Variants in ADGRB3 observed in about 807,000 individuals in gnomAD.
ADGRB3 encodes the protein adhesion G protein-coupled receptor B3, also known as brain-specific angiogenesis inhibitor 3.
ADGRB3 carries 37 observed loss-of-function variants against 193.4 expected under a neutral mutation model. That is an observed-to-expected ratio of 0.19 (90% CI 0.15 to 0.25). The LOEUF (loss-of-function observed/expected upper bound fraction) is 0.25. ADGRB3 is among the 10% of genes least tolerant of loss of function. The probability of loss-of-function intolerance (pLI) is 1.00; values close to 1 mark genes in which losing one functional copy is unlikely to be tolerated. For synonymous variants in ADGRB3, 690 were observed against 644.2 expected (o/e 1.07, Z -1.08); for missense variants, 1,637 against 1,852.9 (o/e 0.88, Z 2.14).
chr6:69,107,677 GT>G (rs1221412639), intron 17 of ADGRB3, among the ~76,000 whole-genome samples: 1 of 152,178 alleles, frequency 6.6e-6, no homozygotes. Context: ...TAAAGAAAAT[GT>G]GGTACATATA....
chr6:68,953,404 G>C (rs1471986443), intron 6 of ADGRB3, among the ~76,000 whole-genome samples: 2 of 152,126 alleles, frequency 1.3e-5, no homozygotes, highest in Admixed American at 1.3e-4. Context: ...TTGCCAAATA[G>C]ATTGTAAGGT....
At chr6:68,894,707 C>G (rs1345391376) in intron 3 of ADGRB3, among the ~76,000 whole-genome samples, 2 of 151,930 alleles carry the variant, frequency 1.3e-5, no homozygotes, top group Non-Finnish European at 2.9e-5. Context: ...TCCATCAAAA[C>G]ACTAACTCTT....
At chr6:68,928,288 A>G (rs1379418819) in intron 3 of ADGRB3, among the ~76,000 whole-genome samples, 1 of 152,138 alleles carries the variant, frequency 6.6e-6, no homozygotes, top group Non-Finnish European at 1.5e-5. Flanking sequence ...CAATTTGGGA[A>G]GCAGAGGTGG....
intron 17 of ADGRB3, among the ~76,000 whole-genome samples, chr6:69,184,862 A>G (rs1048892732): frequency 6.6e-6 from 1 of 152,140 alleles, no homozygotes; most frequent in African/African-American, 2.4e-5. Context: ...CTTGCCGATT[A>G]CTTGAGCATT....
intron 30 of ADGRB3, among the ~76,000 whole-genome samples, chr6:69,375,597 G>C (rs777260649): frequency 6.6e-6 from 1 of 152,104 alleles, no homozygotes; most frequent in African/African-American, 2.4e-5. Context: ...GATTCCTAAT[G>C]TGATGTTAAA....
intron 6 of ADGRB3, among the ~76,000 whole-genome samples, chr6:68,951,516 C>T (rs1767918951): frequency 6.6e-6 from 1 of 152,128 alleles, no homozygotes; most frequent in Non-Finnish European, 1.5e-5. Flanking sequence ...TCAGCCAGTC[C>T]TTATCACCAC....
At chr6:68,744,703 C>T (rs1273228804) in intron 3 of ADGRB3, among the ~76,000 whole-genome samples, 1 of 152,012 alleles carries the variant, frequency 6.6e-6, no homozygotes, top group South Asian at 2.1e-4. Context: ...CACATGGACA[C>T]AGGAAGGTGA....
At chr6:69,156,884 A>G (rs917642389) in intron 17 of ADGRB3, among the ~76,000 whole-genome samples, 1 of 152,196 alleles carries the variant, frequency 6.6e-6, no homozygotes, top group Non-Finnish European at 1.5e-5. Flanking sequence ...GATGTTGGGT[A>G]ACACAGCTCA....
chr6:69,370,320 A>T (rs1269326422), intron 29 of ADGRB3, among the ~76,000 whole-genome samples: 1 of 152,198 alleles, frequency 6.6e-6, no homozygotes, highest in Non-Finnish European at 1.5e-5. Flanking sequence ...AACTTTACAC[A>T]CATTTTTAAC....
chr6:68,723,217 T>C (rs1765614425), intron 3 of ADGRB3, among the ~76,000 whole-genome samples: 1 of 151,742 alleles, frequency 6.6e-6, no homozygotes, highest in Non-Finnish European at 1.5e-5. Flanking sequence ...ATGGAGTCAG[T>C]TCTTAGATCA....
rs534125597 is a variant in ADGRB3 at position 69,332,387 on chromosome 6, T to TAGA, written c.3103-534_3103-532dup. 4,502 of 985,410 alleles carry TAGA rather than the reference T, an allele frequency of 4.6e-3. 8 individuals carry two copies. The highest frequency in any genetic ancestry group is 5.0e-3 in the Non-Finnish European group (4,177 of 829,910). 61.0% of individuals were successfully genotyped at this position (985,410 alleles called of 1,614,324 possible). On this transcript the variant is annotated intron_variant, in intron 23 of 31. Transcript: ENST00000370598. ...AATTGAATAGGCTTTCCTTTCTGCT[T>TAGA]AGAAAAGCATGGTACATCAAAATGC... is the stretch of plus-strand genomic sequence containing the variant.
chr6:69,018,247 A>G, intron 12 of ADGRB3, 144 bp from the exon 13 acceptor site: 1 of 494,890 alleles, frequency 2.0e-6, no homozygotes, highest in Non-Finnish European at 3.5e-6. Context: ...ATTAATTTAA[A>G]AAATACAGCT....
At chr6:68,658,684 A>G (rs1458457007) in intron 3 of ADGRB3, among the ~76,000 whole-genome samples, 7 of 151,300 alleles carry the variant, frequency 4.6e-5, no homozygotes, top group African/African-American at 1.7e-4. Flanking sequence ...TTATTTAGAT[A>G]TAAGTTTAGT....
At chr6:68,704,741 G>A (rs939647339) in intron 3 of ADGRB3, among the ~76,000 whole-genome samples, 10 of 152,162 alleles carry the variant, frequency 6.6e-5, no homozygotes, top group African/African-American at 2.4e-4. Context: ...TTGCTTTGTG[G>A]CAAAGGGCTC....
chr6:68,826,316 C>A (rs1382973746), intron 3 of ADGRB3, among the ~76,000 whole-genome samples: 1 of 152,066 alleles, frequency 6.6e-6, no homozygotes, highest in Non-Finnish European at 1.5e-5. Context: ...AGGAAGGCTT[C>A]ACTGAGAAGA....
intron 3 of ADGRB3, among the ~76,000 whole-genome samples, chr6:68,811,374 A>C (rs1767509283): frequency 6.6e-6 from 1 of 152,242 alleles, no homozygotes; most frequent in Non-Finnish European, 1.5e-5. Context: ...TATGATAACA[A>C]AAATAAGGTT....
intron 20 of ADGRB3, among the ~76,000 whole-genome samples, chr6:69,281,251 T>C (rs1264015229): frequency 6.6e-6 from 1 of 152,134 alleles, no homozygotes; most frequent in Non-Finnish European, 1.5e-5. Context: ...ACACAGTGGG[T>C]ACAACAGGGA....
intron 3 of ADGRB3, among the ~76,000 whole-genome samples, chr6:68,824,259 G>T (rs1431833195): frequency 1.3e-5 from 2 of 151,576 alleles, no homozygotes; most frequent in Non-Finnish European, 2.9e-5. Flanking sequence ...GAAGAGTTTT[G>T]ATTTAGTTTT....
At chr6:68,804,315 A>G (rs140801920) in intron 3 of ADGRB3, among the ~76,000 whole-genome samples, 5 of 152,290 alleles carry the variant, frequency 3.3e-5, no homozygotes, top group Admixed American at 6.5e-5. Flanking sequence ...CCTGCAAATT[A>G]TCTCCCAAAT....
Sources: gnomAD v4.1 joint callset for allele counts (sites outside exome capture counted in the v4.1 genomes callset) on GRCh38, gnomAD v4.1.1 for gene constraint, MANE v1.5 for transcripts, NCBI Gene and HGNC (gene_info 2026-07-23, HGNC 2026-07-21) for gene names.